NRG3: variants seen among roughly 807,000 people sequenced by gnomAD.
NRG3 encodes neuregulin 3.
NRG3 carries 31 observed loss-of-function variants against 66.9 expected under a neutral mutation model. The observed-to-expected ratio is 0.46, with a 90% CI of 0.35 to 0.63. The LOEUF is 0.63. NRG3 is among the 20% of genes least tolerant of loss of function. The pLI is 0.00. For synonymous variants in NRG3, 393 were observed against 359.4 expected (o/e 1.09, Z -1.06); for missense variants, 910 against 878.9 (o/e 1.04, Z -0.45).
intron 4 of NRG3, among the ~76,000 whole-genome samples, chr10:82,872,901 C>G (rs369840758): frequency 1.3e-5 from 2 of 152,086 alleles, no homozygotes; most frequent in Non-Finnish European, 2.9e-5. Context: ...GCAAGACTTG[C>G]TATTTCAGTC....
intron 1 of NRG3, among the ~76,000 whole-genome samples, chr10:82,252,571 T>C (rs958487956): frequency 5.3e-5 from 8 of 152,210 alleles, no homozygotes; most frequent in Non-Finnish European, 1.0e-4. Context: ...GTGTGACATA[T>C]CTGGTACAGT....
chr10:81,992,980 C>T (rs977909609), intron 1 of NRG3, among the ~76,000 whole-genome samples: 2 of 152,086 alleles, frequency 1.3e-5, no homozygotes, highest in Non-Finnish European at 2.9e-5. Flanking sequence ...ATTACTTTAT[C>T]ATGTGTTTTA....
intron 3 of NRG3, among the ~76,000 whole-genome samples, chr10:82,767,928 A>G (rs1034301344): frequency 6.6e-6 from 1 of 151,516 alleles, no homozygotes; most frequent in Non-Finnish European, 1.5e-5. Flanking sequence ...AGAGTAAAGT[A>G]TGAGGAGTTC....
intron 2 of NRG3, among the ~76,000 whole-genome samples, chr10:82,422,968 T>A (rs2136249189): frequency 6.6e-6 from 1 of 152,134 alleles, no homozygotes; most frequent in African/African-American, 2.4e-5. Flanking sequence ...TACATTTTCC[T>A]TTCTGTTACT....
At chr10:82,791,300 T>G (rs562239929) in intron 3 of NRG3, among the ~76,000 whole-genome samples, 9 of 109,522 alleles carry the variant, frequency 8.2e-5, no homozygotes, top group East Asian at 2.0e-4. Context: ...TTTATTGCTG[T>G]TTTTTTTTTG....
At chr10:82,144,376 C>T (rs2070083988) in intron 1 of NRG3, among the ~76,000 whole-genome samples, 1 of 152,286 alleles carries the variant, frequency 6.6e-6, no homozygotes, top group Non-Finnish European at 1.5e-5. Context: ...TGCTCCTGCT[C>T]TCTCTTGTGC....
chr10:82,323,208 A>G (rs2081670150), intron 1 of NRG3, among the ~76,000 whole-genome samples: 1 of 152,240 alleles, frequency 6.6e-6, no homozygotes, highest in East Asian at 1.9e-4. Flanking sequence ...GTTCATCCAA[A>G]CATGTGTACA....
intron 2 of NRG3, among the ~76,000 whole-genome samples, chr10:82,379,322 G>C (rs1418478429): frequency 6.6e-6 from 1 of 152,090 alleles, no homozygotes; most frequent in Non-Finnish European, 1.5e-5. Context: ...CCAACGCTTG[G>C]GGGGAAATGA....
rs569240183 is a variant in NRG3 at position 82,624,918 on chromosome 10, T to TTATA, written c.954-113644_954-113641dup. 6.2e-4 allele frequency among the ~76,000 whole-genome samples: 90 copies of TTATA among 144,348 alleles called. 1 individual carries two copies. The highest frequency in any genetic ancestry group is 4.5e-3 in the East Asian group (23 of 5,056). The allele number at this position is 144,348 out of a possible 152,430, so 94.7% of individuals were successfully genotyped here. On this transcript the variant is annotated intron_variant, in intron 2 of 8. Transcript: ENST00000372141. Reference sequence around the variant, plus strand: ...ATAAATATAAATATATATATATATTTTATATATATATATATATAAAATGTG... The same window carrying TTATA: ...ATAAATATAAATATATATATATATTTTATATATATATATATATATATAAAATGTG...
At position 82,517,990 on chromosome 10, in the gene NRG3, G is replaced by A. The variant is rs531022122; in HGVS notation, c.953+159122G>A. 1.2e-4 allele frequency among the ~76,000 whole-genome samples: 19 copies of A among 152,190 alleles called. No homozygotes were observed. In the East Asian group the frequency reaches 1.7e-3, roughly 14 times the overall value. On this transcript the variant is annotated intron_variant, in intron 2 of 8. Coordinates refer to ENST00000372141, the MANE Select transcript of NRG3 (RefSeq NM_001010848.4). The stretch of plus-strand genomic sequence containing the variant: ...ACTCTGTCCTATGGGATAGATCTAC[G>A]CGTATTTGGGGAAACACATTGGCCA...
intron 2 of NRG3, among the ~76,000 whole-genome samples, chr10:82,441,556 A>G (rs1473205081): frequency 6.6e-6 from 1 of 152,194 alleles, no homozygotes; most frequent in Non-Finnish European, 1.5e-5. Flanking sequence ...GGCCAATTCA[A>G]TGACTGTCCT....
chr10:82,102,156 A>T (rs1284827285), intron 1 of NRG3, among the ~76,000 whole-genome samples: 4 of 121,914 alleles, frequency 3.3e-5, no homozygotes, highest in South Asian at 2.5e-4. Flanking sequence ...ATATATATAT[A>T]TATATATATA....
At chr10:82,011,481 C>T (rs970429842) in intron 1 of NRG3, among the ~76,000 whole-genome samples, 1 of 152,164 alleles carries the variant, frequency 6.6e-6, no homozygotes, top group African/African-American at 2.4e-5. Flanking sequence ...AAAACACAAT[C>T]ATGCCCTTCC....
chr10:82,288,401 T>A (rs2134548527), intron 1 of NRG3, among the ~76,000 whole-genome samples: 1 of 152,062 alleles, frequency 6.6e-6, no homozygotes, highest in East Asian at 1.9e-4. Context: ...AGCTCAGAGG[T>A]GTGTATGGAA....
In NRG3 at chr10:82,188,264, A is replaced by G. The variant is rs1365101760; in HGVS notation, c.824-170475A>G. Among the ~76,000 whole-genome samples, 2 of 152,300 alleles carry G rather than the reference A, an allele frequency of 1.3e-5. 1 individual carries two copies. The highest frequency in any genetic ancestry group is 6.8e-3 in the Middle Eastern group (2 of 294). On this transcript the variant is annotated intron_variant, in intron 1 of 8. Coordinates refer to ENST00000372141, the MANE Select transcript of NRG3 (RefSeq NM_001010848.4). ...TGGGCAAATTGGATATATGCAGAAG[A>G]AGGAAACTAGACCCCTATCTATCAC...
At chr10:82,352,240 A>G (rs911866060) in intron 1 of NRG3, among the ~76,000 whole-genome samples, 4 of 152,196 alleles carry the variant, frequency 2.6e-5, no homozygotes, top group African/African-American at 7.2e-5. Flanking sequence ...GATATATAAC[A>G]TGTTTGTATC....
intron 2 of NRG3, among the ~76,000 whole-genome samples, chr10:82,619,315 G>A (rs889016265): frequency 6.6e-6 from 1 of 152,194 alleles, no homozygotes; most frequent in Non-Finnish European, 1.5e-5. Flanking sequence ...GTGAGCTGGA[G>A]AGCAGGAGGG....
intron 2 of NRG3, among the ~76,000 whole-genome samples, chr10:82,509,756 A>C (rs1193708590): frequency 6.6e-6 from 1 of 152,168 alleles, no homozygotes; most frequent in Non-Finnish European, 1.5e-5. Context: ...CTGCATAATT[A>C]CGACTGGTAT....
At chr10:82,782,398 T>C (rs1236996993) in intron 3 of NRG3, among the ~76,000 whole-genome samples, 1 of 152,144 alleles carries the variant, frequency 6.6e-6, no homozygotes, top group Non-Finnish European at 1.5e-5. Context: ...TGCAGGTCCC[T>C]TGGCCTTGGA....
Sources: allele counts gnomAD v4.1 joint callset (sites outside exome capture counted in the v4.1 genomes callset), GRCh38; gene constraint gnomAD v4.1.1; transcripts MANE v1.5; gene names NCBI Gene and HGNC (gene_info 2026-07-23, HGNC 2026-07-21).